Variants in NOVA1 observed in about 807,000 individuals in gnomAD.
NOVA1 encodes NOVA alternative splicing regulator 1.
A neutral mutation model predicts 38.0 loss-of-function variants in NOVA1; 7 were observed. That is an observed-to-expected ratio of 0.18 (90% CI 0.10 to 0.35). The LOEUF (loss-of-function observed/expected upper bound fraction) is 0.35. NOVA1 is among the 10% of genes least tolerant of loss of function. NOVA1 has a pLI of 1.00. For missense variants in NOVA1, 460 were observed against 616.0 expected (o/e 0.75, Z 2.68); for synonymous variants, 270 against 232.5 (o/e 1.16, Z -1.47).
At chr14:26,524,128 CA>C (rs1375436905) in intron 2 of NOVA1, among the ~76,000 whole-genome samples, 2 of 152,188 alleles carry the variant, frequency 1.3e-5, no homozygotes, top group South Asian at 2.1e-4. Flanking sequence ...GCTTACTGAA[CA>C]AAATTCACCA....
chr14:26,538,295 C>A (rs1412514583), intron 2 of NOVA1, among the ~76,000 whole-genome samples: 1 of 152,002 alleles, frequency 6.6e-6, no homozygotes, highest in Non-Finnish European at 1.5e-5. Flanking sequence ...TAGCAAGATA[C>A]AATTTTCTAC....
chr14:26,583,881 TCACACACACACACACACACACA>T (rs36218600), intron 2 of NOVA1, among the ~76,000 whole-genome samples: 16 of 145,928 alleles, frequency 1.1e-4, no homozygotes, highest in Admixed American at 2.1e-4. Flanking sequence ...AGCATCAAAT[TCACACACACACACACACACACA>T]CACACACACA....
At chr14:26,484,131 G>GA (rs1341490994) in intron 2 of NOVA1, among the ~76,000 whole-genome samples, 8 of 151,970 alleles carry the variant, frequency 5.3e-5, no homozygotes, top group Admixed American at 5.2e-4. Context: ...TGATATAGAT[G>GA]AAGGGTATAA....
intron 2 of NOVA1, among the ~76,000 whole-genome samples, chr14:26,539,531 G>GTATA (rs3054141): frequency 4.0e-5 from 6 of 151,744 alleles, no homozygotes; most frequent in East Asian, 1.9e-4. Flanking sequence ...GAGCTCTTAT[G>GTATA]TATATATATG....
intron 2 of NOVA1, among the ~76,000 whole-genome samples, chr14:26,537,165 T>C (rs967234943): frequency 1.3e-5 from 2 of 152,052 alleles, no homozygotes; most frequent in Non-Finnish European, 2.9e-5. Flanking sequence ...TTGATAAATA[T>C]ATCAAATGCC....
Position 26,447,657 on chromosome 14 carries a change from T to C in NOVA1, c.*302A>G, listed in dbSNP as rs888524921. On this transcript the variant is annotated 3_prime_UTR_variant, in exon 5 of 5. Coordinates refer to ENST00000539517, the MANE Select transcript of NOVA1 (RefSeq NM_002515.3). ...AACTATACGCATATCCCTGTCTACA[T>C]TCAATCATTAAACTACAATAATGCT... 2.6e-6 allele frequency: 1 copy of C among 391,360 alleles called. No homozygotes were observed. Among genetic ancestry groups the C allele is most frequent in the African/African-American group, 2.0e-5 (1 of 49,404 alleles). The allele number at this position is 391,360 out of a possible 1,614,324, so 24.2% of individuals were successfully genotyped here.
chr14:26,470,652 A>G (rs1257330431), intron 4 of NOVA1, among the ~76,000 whole-genome samples: 1 of 152,144 alleles, frequency 6.6e-6, no homozygotes, highest in African/African-American at 2.4e-5. Flanking sequence ...ATACAACATT[A>G]GTAAACTAAA....
intron 3 of NOVA1, among the ~76,000 whole-genome samples, chr14:26,475,830 T>G (rs1183683258): frequency 6.6e-6 from 1 of 152,132 alleles, no homozygotes; most frequent in Non-Finnish European, 1.5e-5. Flanking sequence ...GATGAATTCT[T>G]GTTAACAAAT....
At chr14:26,572,005 T>C (rs539094893) in intron 2 of NOVA1, among the ~76,000 whole-genome samples, 2 of 152,324 alleles carry the variant, frequency 1.3e-5, no homozygotes, top group South Asian at 2.1e-4. Flanking sequence ...AGCCTGACTA[T>C]TGCTGAGATG....
chr14:26,569,183 G>A (rs1892320854), intron 2 of NOVA1, among the ~76,000 whole-genome samples: 1 of 152,028 alleles, frequency 6.6e-6, no homozygotes, highest in Non-Finnish European at 1.5e-5. Context: ...GTCAGATAGA[G>A]TATTTTAAAA....
chr14:26,584,324 C>T (rs918802343), intron 2 of NOVA1, among the ~76,000 whole-genome samples: 5 of 151,526 alleles, frequency 3.3e-5, no homozygotes, highest in South Asian at 4.1e-4. Flanking sequence ...AGAATCCAAT[C>T]GTATACTCAA....
intron 2 of NOVA1, among the ~76,000 whole-genome samples, chr14:26,575,961 A>G (rs989774725): frequency 6.6e-6 from 1 of 152,018 alleles, no homozygotes; most frequent in African/African-American, 2.4e-5. Context: ...TTTTATGGAG[A>G]CTAAAATGAG....
rs373069037 is a variant in NOVA1 at position 26,448,784 on chromosome 14, A to G, written c.699T>C (p.Ala233=). Residue 233 remains alanine, a synonymous_variant, in exon 5 of 5, where the codon GCT becomes GCC. Transcript: ENST00000539517. This position sits in a 1 kb window ranked among gnomAD's most constrained non-coding sequence, Gnocchi z 5.3. ...GTATCTTCTGGATGATAAGTTCAAC[A>G]GCTTTTCGGTTTTGTTCAGGTTCTC... The part of the protein sequence containing the change: ...VSGEPEQNRK[A]VELIIQKIQE... 9 of 1,614,170 alleles carry G rather than the reference A, an allele frequency of 5.6e-6. No homozygotes were observed. The highest frequency in any genetic ancestry group is 7.6e-6 in the Non-Finnish European group (9 of 1,180,036).
chr14:26,470,468 G>A (rs867517877), intron 4 of NOVA1: 1 of 1,558,112 alleles, frequency 6.4e-7, no homozygotes, highest in Non-Finnish European at 8.9e-7. Context: ...CTTGCTTCAT[G>A]ATATCCAGGA....
chr14:26,565,979 T>C (rs952640815), intron 2 of NOVA1, among the ~76,000 whole-genome samples: 7 of 152,106 alleles, frequency 4.6e-5, no homozygotes, highest in Non-Finnish European at 1.0e-4. Flanking sequence ...CATGATGCAA[T>C]TGAAAGATAG....
At position 26,448,298 on chromosome 14, in the gene NOVA1, G is replaced by C; in HGVS notation, c.1185C>G (p.Thr395=). The C allele has an allele frequency of 6.2e-7, 1 of 1,614,120 alleles. No homozygotes were observed. The highest frequency in any genetic ancestry group is 1.1e-5 in the South Asian group (1 of 91,078). Residue 395 remains threonine, a synonymous_variant, in exon 5 of 5, where the codon ACC becomes ACG. Transcript: ENST00000539517. The surrounding 1 kb of genome is among the most constrained non-coding windows in gnomAD (Gnocchi z 5.3). ...LGSLAAATAA[T]NGYFGAASPL... Reference sequence around the variant, plus strand: ...GAGAAGCAGCTCCAAAATATCCATTGGTTGCAGCAGTAGCAGCAGCCAGGC... The same window carrying C: ...GAGAAGCAGCTCCAAAATATCCATTCGTTGCAGCAGTAGCAGCAGCCAGGC...
intron 2 of NOVA1, among the ~76,000 whole-genome samples, chr14:26,525,716 T>C (rs1889245761): frequency 6.6e-6 from 1 of 152,124 alleles, no homozygotes; most frequent in Non-Finnish European, 1.5e-5. Context: ...AAGCTCTCTC[T>C]TCAGGGGTCA....
At chr14:26,595,312 G>A (rs1894119266) in intron 2 of NOVA1, 98 bp downstream of exon 2, 1 of 1,193,430 alleles carries the variant, frequency 8.4e-7, no homozygotes, top group East Asian at 2.4e-5. Flanking sequence ...AAAGTCTCCA[G>A]TATTGTTTAA....
chr14:26,466,452 G>A (rs1884148571), intron 4 of NOVA1, among the ~76,000 whole-genome samples: 1 of 152,116 alleles, frequency 6.6e-6, no homozygotes, highest in African/African-American at 2.4e-5. Flanking sequence ...ACATAGTCTG[G>A]AGTTTTACTG....
Sources: allele counts gnomAD v4.1 joint callset (sites outside exome capture counted in the v4.1 genomes callset), GRCh38; gene constraint gnomAD v4.1.1; non-coding constraint Gnocchi (gnomAD v3.1); transcripts MANE v1.5; gene names NCBI Gene and HGNC (gene_info 2026-07-23, HGNC 2026-07-21).